The following PLEKHM1 variants were observed in gnomAD, a reference collection of about 807,000 sequenced individuals.
The protein encoded by PLEKHM1 is pleckstrin homology domain-containing family M member 1.
Under a neutral mutation model 94.3 loss-of-function variants are expected in PLEKHM1, and 28 were observed. The observed-to-expected ratio is 0.30, with a 90% CI of 0.22 to 0.41. PLEKHM1 has a LOEUF of 0.41. Ranked by LOEUF, PLEKHM1 falls within the 10% of genes least tolerant of loss-of-function variation. PLEKHM1 has a pLI of 1.00. For synonymous variants in PLEKHM1, 424 were observed against 581.2 expected (o/e 0.73, Z 3.89); for missense variants, 907 against 1,358.6 (o/e 0.67, Z 5.22).
chr17:45,487,684 A>C, intron 1 of PLEKHM1: 1 of 456,072 alleles, frequency 2.2e-6, no homozygotes, highest in Non-Finnish European at 4.4e-6. Flanking sequence ...CTTCCTCCAG[A>C]GATCAAGGAA....
intron 2 of PLEKHM1, among the ~76,000 whole-genome samples, chr17:45,479,975 G>A (rs2051893855): frequency 2.6e-5 from 4 of 152,186 alleles, no homozygotes; most frequent in Admixed American, 2.6e-4. Context: ...GAATTGTTGG[G>A]TGATAGGATT....
rs1482942952 is a variant in PLEKHM1 at position 45,437,559 on chromosome 17, G to T, written c.*299C>A. 1.6e-6 allele frequency: 1 copy of T among 625,878 alleles called. No homozygotes were observed. Among genetic ancestry groups the T allele is most frequent in the Non-Finnish European group, 3.0e-6 (1 of 337,950 alleles). The allele number at this position is 625,878 out of a possible 1,614,324, so 38.8% of individuals were successfully genotyped here. A position where few individuals can be genotyped will look rare whatever the true frequency, so the allele number is the denominator to read the frequency against. On this transcript the variant is annotated 3_prime_UTR_variant, in exon 12 of 12. Transcript: ENST00000430334. This position sits in a 1 kb window ranked among gnomAD's most constrained non-coding sequence, Gnocchi z 4.0. ...ACAGTGTTTGGGCAGCCCTAACGGA[G>T]GCGCCGGGACGCTGGTGAGCCAGGG...
intron 6 of PLEKHM1, among the ~76,000 whole-genome samples, chr17:45,456,543 A>T (rs1184593698): frequency 6.6e-6 from 1 of 152,222 alleles, no homozygotes; most frequent in African/African-American, 2.4e-5. Context: ...CCCTCAAGAA[A>T]CCTGATGGCC....
chr17:45,481,462 TA>T (rs2051948429), intron 2 of PLEKHM1, among the ~76,000 whole-genome samples: 2 of 150,544 alleles, frequency 1.3e-5, no homozygotes, highest in Non-Finnish European at 3.0e-5. Flanking sequence ...ATATTATATT[TA>T]AAAAGTACAT....
Position 45,445,963 on chromosome 17 carries a change from C to T in PLEKHM1, c.2644-300G>A, listed in dbSNP as rs2050594243. On this transcript the variant is annotated intron_variant, in intron 8 of 11. Coordinates refer to ENST00000430334, the MANE Select transcript of PLEKHM1 (RefSeq NM_014798.3). The surrounding 1 kb of genome is among the most constrained non-coding windows in gnomAD (Gnocchi z 4.2). ...GGAGGGACTGCTCTGATAACGCCCCCTCCCTCTGGGCCTCACAGATCCTTC... is the reference window on the plus strand; with the variant it reads ...GGAGGGACTGCTCTGATAACGCCCCTTCCCTCTGGGCCTCACAGATCCTTC... 6.6e-6 allele frequency among the ~76,000 whole-genome samples: 1 copy of T among 152,202 alleles called. No individual in the cohort carries two copies. The highest frequency in any genetic ancestry group is 1.5e-5 in the Non-Finnish European group (1 of 68,028).
rs1434175853 is a variant in PLEKHM1 at position 45,475,216 on chromosome 17, A to G, written c.807T>C (p.Asp269=). 3.1e-6 allele frequency: 5 copies of G among 1,613,828 alleles called. No homozygotes were observed. The highest frequency in any genetic ancestry group is 4.2e-6 in the Non-Finnish European group (5 of 1,179,828). ...AGCCATTCTCTTGGAGTAAGCAGCT[A>G]TCAGAGTTTAGGCTGCAGGACAGCT... ...SSQLSCSLNS[D]SCLLQENGSK... is the part of the protein sequence containing the mutation. The change falls in exon 4 of 12, where the codon GAT becomes GAC. Residue 269 remains aspartate, a synonymous_variant. Transcript: ENST00000430334.
intron 4 of PLEKHM1, among the ~76,000 whole-genome samples, 158 bp downstream of exon 4, chr17:45,474,942 A>T (rs2051664207): frequency 6.6e-6 from 1 of 151,928 alleles, no homozygotes; most frequent in Non-Finnish European, 1.5e-5. Context: ...GTTCCCAGCT[A>T]CTCCAGTCCC....
chr17:45,450,459 C>A (rs966063184), intron 8 of PLEKHM1, among the ~76,000 whole-genome samples, 159 bp downstream of exon 8: 2 of 152,222 alleles, frequency 1.3e-5, no homozygotes, highest in African/African-American at 4.8e-5. Context: ...CCAAGCTTTT[C>A]TCTTGGTTAG....
chr17:45,484,890 G>A (rs531036812), intron 1 of PLEKHM1, among the ~76,000 whole-genome samples: 202 of 151,326 alleles, frequency 1.3e-3, no homozygotes, highest in African/African-American at 4.5e-3. Flanking sequence ...CTAAATGGTG[G>A]AAGGTGCTCT....
chr17:45,479,032 T>C (rs1042428718), intron 2 of PLEKHM1, among the ~76,000 whole-genome samples: 4 of 150,988 alleles, frequency 2.6e-5, no homozygotes, highest in African/African-American at 4.9e-5. Context: ...TTTTCTTTTT[T>C]TTTTTGGGAA....
chr17:45,436,908 GGTCA>G lies in PLEKHM1; in HGVS notation c.*946_*949del, dbSNP rs1567754779. On this transcript the variant is annotated 3_prime_UTR_variant, in exon 12 of 12. Transcript: ENST00000430334. The stretch of plus-strand genomic sequence containing the variant: ...TCCTGCCTATCTGTGCCCTGGCAGG[GGTCA>G]GTCAGGCAGAGAGTGTGACCCCGGG... 2.2e-6 allele frequency: 1 copy of G among 451,084 alleles called. No homozygotes were observed. The highest frequency in any genetic ancestry group is 1.6e-5 in the South Asian group (1 of 64,436). The allele number at this position is 451,084 out of a possible 1,614,324, so 27.9% of individuals were successfully genotyped here. A position where few individuals can be genotyped will look rare whatever the true frequency, so the allele number is the denominator to read the frequency against.
chr17:45,468,369 G>A lies in PLEKHM1; in HGVS notation c.1148C>T (p.Pro383Leu). ...CTCTACAGGCTGCTGTAAGTCCAGGGGGCTGGGCGCCTGGGGACGCGGCTC... is the reference window on the plus strand; with the variant it reads ...CTCTACAGGCTGCTGTAAGTCCAGGAGGCTGGGCGCCTGGGGACGCGGCTC... ...VQEPRPQAPS[P>L]LDLQQPVEST... The change falls in exon 5 of 12, where the codon CCC (proline) becomes CTC (leucine). Residue 383 changes from proline (P) to leucine (L), a missense_variant. Around this residue, in one of 3 missense-constraint regions of PLEKHM1, gnomAD observed 477 missense variants for 601.5 expected, o/e 0.79. Transcript: ENST00000430334. The A allele has an allele frequency of 1.2e-6, 2 of 1,614,158 alleles. No individual in the cohort carries two copies. The highest frequency in any genetic ancestry group is 2.2e-5 in the East Asian group (1 of 44,880).
chr17:45,452,234 G>A (rs942323410), intron 7 of PLEKHM1, among the ~76,000 whole-genome samples: 15 of 151,230 alleles, frequency 9.9e-5, no homozygotes, highest in Non-Finnish European at 1.8e-4. Flanking sequence ...CTAGAGGGAT[G>A]CCCTCTAGGG....
At chr17:45,455,439 G>A (rs891619220) in intron 6 of PLEKHM1, among the ~76,000 whole-genome samples, 4 of 151,692 alleles carry the variant, frequency 2.6e-5, no homozygotes, top group South Asian at 2.1e-4. Context: ...AATTTTTATC[G>A]CCAGCCTGGA....
intron 4 of PLEKHM1, among the ~76,000 whole-genome samples, chr17:45,471,489 A>G (rs945490953): frequency 2.0e-5 from 3 of 151,892 alleles, no homozygotes; most frequent in African/African-American, 7.3e-5. Flanking sequence ...CAGGCTGGGC[A>G]TGGTGGCTCA....
chr17:45,487,361 G>A (rs1177145054), intron 1 of PLEKHM1, among the ~76,000 whole-genome samples: 1 of 152,152 alleles, frequency 6.6e-6, no homozygotes, highest in African/African-American at 2.4e-5. Flanking sequence ...AGAACTCTCT[G>A]GTTTCTTCAT....
Position 45,475,343 on chromosome 17 carries a change from G to A in PLEKHM1, c.680C>T (p.Ser227Leu), listed in dbSNP as rs2051685827. The stretch of plus-strand genomic sequence containing the variant: ...ATGGACTTCGATGTCTTCAGAGCCT[G>A]AAGAATGGGAAATGGAATCCAGAGA... ...KESLDSISHS[S>L]GSEDIEVHHS... The change falls in exon 4 of 12, where the codon TCA (serine) becomes TTA (leucine). Residue 227 changes from serine to leucine, a missense_variant. Around this residue, in one of 3 missense-constraint regions of PLEKHM1, gnomAD observed 176 missense variants for 306.0 expected, o/e 0.58. Transcript: ENST00000430334. The A allele has an allele frequency of 1.9e-6, 3 of 1,613,846 alleles. No homozygotes were observed. Among genetic ancestry groups the A allele is most frequent in the Admixed American group, 1.7e-5 (1 of 59,992 alleles).
intron 1 of PLEKHM1, among the ~76,000 whole-genome samples, chr17:45,482,743 G>T (rs775113796): frequency 3.5e-4 from 54 of 152,294 alleles, no homozygotes; most frequent in Non-Finnish European, 7.2e-4. Flanking sequence ...GGAGTCCTGG[G>T]TGCCAGGGGT....
At chr17:45,480,356 C>T (rs1210419762) in intron 2 of PLEKHM1, among the ~76,000 whole-genome samples, 3 of 152,220 alleles carry the variant, frequency 2.0e-5, no homozygotes, top group African/African-American at 7.2e-5. Context: ...TGGTGGTGCA[C>T]ACCCATAATC....
Sources: allele counts gnomAD v4.1 joint callset (sites outside exome capture counted in the v4.1 genomes callset), GRCh38; gene constraint gnomAD v4.1.1; regional missense constraint gnomAD v4.1.1; non-coding constraint Gnocchi (gnomAD v3.1); transcripts MANE v1.5; gene names NCBI Gene and HGNC (gene_info 2026-07-23, HGNC 2026-07-21).